Variants in PDE5A observed in about 807,000 individuals in gnomAD.
The protein encoded by PDE5A is phosphodiesterase 5A.
PDE5A carries 67 observed loss-of-function variants against 110.2 expected under a neutral mutation model. The observed-to-expected ratio is 0.61, with a 90% CI of 0.50 to 0.75. PDE5A has a LOEUF of 0.75. Ranked by LOEUF, PDE5A falls within the 30% of genes least tolerant of loss-of-function variation. The pLI is 0.00. For missense variants in PDE5A, 862 were observed against 1,045.1 expected, an observed-to-expected ratio of 0.82 and a Z score of 2.42; for synonymous variants, 328 against 351.2, an observed-to-expected ratio of 0.93 and a Z score of 0.74.
At chr4:119,538,169 TACATGAGAAA>T (rs1466227067) in intron 11 of PDE5A, among the ~76,000 whole-genome samples, 2 of 152,202 alleles carry the variant, frequency 1.3e-5, no homozygotes, top group African/African-American at 4.8e-5. Context: ...TTATGAAGTT[TACATGAGAAA>T]ACAGTTGTGC....
At chr4:119,499,433 G>A (rs1466356787) in intron 20 of PDE5A, 1 of 152,168 alleles carries the variant, frequency 6.6e-6, no homozygotes, top group East Asian at 1.9e-4. Context: ...AAAAGTATAT[G>A]AAAATGTCAT....
intron 1 of PDE5A, among the ~76,000 whole-genome samples, chr4:119,618,676 TAA>T (rs1730029411): frequency 6.7e-6 from 1 of 149,268 alleles, no homozygotes; most frequent in Non-Finnish European, 1.5e-5. Context: ...TCCCAAAATA[TAA>T]AAGTTAAAAC....
At chr4:119,558,699 T>C (rs922525250) in intron 7 of PDE5A, among the ~76,000 whole-genome samples, 4 of 152,130 alleles carry the variant, frequency 2.6e-5, no homozygotes, top group African/African-American at 9.7e-5. Flanking sequence ...TGTATCACTA[T>C]AATAAAAGCT....
In PDE5A at chr4:119,538,846, C is replaced by A. The variant is rs954387218; in HGVS notation, c.1632+114G>T. On this transcript the variant is annotated intron_variant, in intron 11 of 20. Transcript: ENST00000354960. The stretch of plus-strand genomic sequence containing the variant: ...TATTATCAGTGACTTTGCATCCCTG[C>A]AAGAAAGCAGAGTTAATTAAACATT... The A allele has an allele frequency of 2.2e-5, 18 of 824,212 alleles. No individual in the cohort carries two copies. The Admixed American group carries it at 3.0e-4, about 14-fold the overall frequency. 51.1% of individuals were successfully genotyped at this position (824,212 alleles called of 1,614,324 possible). A position where few individuals can be genotyped will look rare whatever the true frequency, so the allele number is the denominator to read the frequency against.
At chr4:119,510,085 T>C (rs984769946) in intron 15 of PDE5A, among the ~76,000 whole-genome samples, 2 of 151,906 alleles carry the variant, frequency 1.3e-5, no homozygotes, top group East Asian at 1.9e-4. Flanking sequence ...AAACACAAGG[T>C]AGGGAATGGG....
intron 10 of PDE5A, among the ~76,000 whole-genome samples, chr4:119,540,598 T>A (rs1369949740): frequency 6.6e-6 from 1 of 152,172 alleles, no homozygotes; most frequent in Non-Finnish European, 1.5e-5. Flanking sequence ...ACATTCTAAG[T>A]TAAAAAAATT....
chr4:119,507,649 A>G lies in PDE5A; in HGVS notation c.2144T>C (p.Ile715Thr). The G allele has an allele frequency of 6.3e-7, 1 of 1,584,368 alleles. No homozygotes were observed. Among genetic ancestry groups the G allele is most frequent in the South Asian group, 1.2e-5 (1 of 86,140 alleles). ...SIEEYKTTLK[I>T]IKQAILATDL... ...TGTAGCTAAAATAGCTTGCTTGATTATTTTCAACGTGGTCTTATATTCTTC... is the reference window on the plus strand; with the variant it reads ...TGTAGCTAAAATAGCTTGCTTGATTGTTTTCAACGTGGTCTTATATTCTTC... Residue 715 changes from isoleucine to threonine, a missense_variant, in exon 16 of 21, where the codon ATA becomes ACA. Ile to Thr is a moderately conservative substitution (Grantham distance 89). Coordinates refer to ENST00000354960, the MANE Select transcript of PDE5A (RefSeq NM_001083.4).
At chr4:119,556,633 C>T (rs570555429) in intron 7 of PDE5A, among the ~76,000 whole-genome samples, 2 of 152,208 alleles carry the variant, frequency 1.3e-5, no homozygotes, top group African/African-American at 2.4e-5. Flanking sequence ...AAGCACCACA[C>T]GTGTGGAGAA....
At chr4:119,588,209 C>T (rs1341642503) in intron 3 of PDE5A, among the ~76,000 whole-genome samples, 2 of 141,368 alleles carry the variant, frequency 1.4e-5, no homozygotes, top group Non-Finnish European at 1.5e-5. Flanking sequence ...CTCACTCACT[C>T]TGTCACCCAG....
At chr4:119,578,752 C>T (rs1462883673) in intron 3 of PDE5A, among the ~76,000 whole-genome samples, 1 of 152,158 alleles carries the variant, frequency 6.6e-6, no homozygotes, top group Non-Finnish European at 1.5e-5. Flanking sequence ...AAAACCTAGG[C>T]AATACCATTC....
intron 3 of PDE5A, among the ~76,000 whole-genome samples, chr4:119,574,281 C>A (rs1268484788): frequency 7.2e-6 from 1 of 138,160 alleles, no homozygotes; most frequent in Non-Finnish European, 1.5e-5. Flanking sequence ...CTCCCGGGTT[C>A]AAGCAATTCT....
At chr4:119,526,540 G>A (rs570161750) in intron 11 of PDE5A, among the ~76,000 whole-genome samples, 5 of 152,224 alleles carry the variant, frequency 3.3e-5, no homozygotes, top group Non-Finnish European at 5.9e-5. Context: ...GCTAGATCAG[G>A]CTATTAACTG....
At chr4:119,521,226 T>C (rs563830656) in intron 12 of PDE5A, among the ~76,000 whole-genome samples, 166 bp from the exon 13 acceptor site, 8 of 152,182 alleles carry the variant, frequency 5.3e-5, no homozygotes, top group Admixed American at 2.0e-4. Flanking sequence ...GAAGGTCATA[T>C]TGTTAGTTAG....
intron 14 of PDE5A, among the ~76,000 whole-genome samples, chr4:119,517,602 C>CT (rs1725960350): frequency 6.2e-5 from 7 of 113,700 alleles, no homozygotes; most frequent in South Asian, 2.7e-4. Flanking sequence ...TTTTCTTTTT[C>CT]TTTCTTTTTT....
intron 2 of PDE5A, among the ~76,000 whole-genome samples, chr4:119,604,711 C>G (rs1487040349): frequency 6.6e-6 from 1 of 152,182 alleles, no homozygotes; most frequent in African/African-American, 2.4e-5. Flanking sequence ...CTCGGTATTA[C>G]TCACTAGTAG....
intron 20 of PDE5A, 95 bp downstream of exon 20, chr4:119,501,075 G>T: frequency 1.4e-6 from 1 of 719,634 alleles, no homozygotes. Flanking sequence ...TGATTTAGAA[G>T]CAAAATATAG....
At chr4:119,551,279 A>T (rs555035038) in intron 9 of PDE5A, among the ~76,000 whole-genome samples, 3 of 152,352 alleles carry the variant, frequency 2.0e-5, no homozygotes, top group Admixed American at 6.5e-5. Flanking sequence ...AGTCCAGTTC[A>T]TACAATAAGA....
chr4:119,558,560 T>C (rs1727620788), intron 7 of PDE5A, among the ~76,000 whole-genome samples: 1 of 152,108 alleles, frequency 6.6e-6, no homozygotes, highest in Non-Finnish European at 1.5e-5. Flanking sequence ...GAAAAATAAG[T>C]ATCAATATTA....
intron 11 of PDE5A, among the ~76,000 whole-genome samples, chr4:119,536,426 G>A (rs568612164): frequency 6.6e-4 from 100 of 152,152 alleles, no homozygotes; most frequent in Middle Eastern, 3.4e-3. Flanking sequence ...CATATTGCTC[G>A]AAAACTACAT....
Sources: gnomAD v4.1 joint callset for allele counts (sites outside exome capture counted in the v4.1 genomes callset) on GRCh38, gnomAD v4.1.1 for gene constraint, MANE v1.5 for transcripts, NCBI Gene and HGNC (gene_info 2026-07-23, HGNC 2026-07-21) for gene names.